Variants in SDK2 observed in about 807,000 individuals in gnomAD.
SDK2 encodes the protein protein sidekick-2.
A neutral mutation model predicts 253.9 loss-of-function variants in SDK2; 105 were observed. The ratio of observed to expected loss-of-function variants is 0.41; its 90% CI spans 0.35 to 0.49. SDK2 has a LOEUF of 0.49. Among genes scored for constraint, SDK2 ranks in the 20% least tolerant of loss-of-function variants. SDK2 has a pLI of 0.06. For missense variants in SDK2, 2,608 were observed against 3,003.0 expected (o/e 0.87, Z 3.07); for synonymous variants, 1,249 against 1,234.9 (o/e 1.01, Z -0.24).
intron 36 of SDK2, among the ~76,000 whole-genome samples, chr17:73,370,745 T>A (rs2062727557): frequency 1.3e-5 from 2 of 152,030 alleles, no homozygotes; most frequent in East Asian, 3.9e-4. Flanking sequence ...GATGGGGATT[T>A]CTTTTGTAGT....
At chr17:73,527,769 G>A (rs191048061) in intron 1 of SDK2, among the ~76,000 whole-genome samples, 5 of 152,322 alleles carry the variant, frequency 3.3e-5, no homozygotes, top group East Asian at 3.9e-4. Flanking sequence ...GGGCAGAGAC[G>A]ATCTCCCAGG....
At chr17:73,598,315 A>G (rs1455218151) in intron 1 of SDK2, among the ~76,000 whole-genome samples, 2 of 152,186 alleles carry the variant, frequency 1.3e-5, no homozygotes, top group Non-Finnish European at 2.9e-5. Flanking sequence ...CTCCTGGCTC[A>G]GGTCGCTGGG....
At position 73,435,649 on chromosome 17, in the gene SDK2, G is replaced by A. The variant is rs756692918; in HGVS notation, c.1001-5C>T. On this transcript the variant is annotated splice_region_variant and splice_polypyrimidine_tract_variant and intron_variant, in intron 8 of 44. Coordinates refer to ENST00000392650, the MANE Select transcript of SDK2 (RefSeq NM_001144952.2). This position sits in a 1 kb window ranked among gnomAD's most constrained non-coding sequence, Gnocchi z 5.7. ...TGATGGAGGGCGGCGGCACACCTGTGGGCAAGACGTGGGCCCACCGTCAAC... is the reference window on the plus strand; with the variant it reads ...TGATGGAGGGCGGCGGCACACCTGTAGGCAAGACGTGGGCCCACCGTCAAC... 1.7e-5 allele frequency: 26 copies of A among 1,547,204 alleles called. No individual in the cohort carries two copies. In the South Asian group the frequency reaches 2.7e-4, roughly 16 times the overall value.
At chr17:73,350,827 C>T (rs754958761) in intron 41 of SDK2, 37 bp from the exon 42 acceptor site, 3 of 1,560,812 alleles carry the variant, frequency 1.9e-6, no homozygotes, top group South Asian at 2.4e-5. Context: ...GGGTGCTCAG[C>T]CCCCTCCTCC....
At chr17:73,568,618 C>T (rs758582271) in intron 1 of SDK2, among the ~76,000 whole-genome samples, 48 of 152,118 alleles carry the variant, frequency 3.2e-4, no homozygotes, top group Admixed American at 7.2e-4. Context: ...GAGCCTCAGA[C>T]TGGAGATGAA....
rs2064030489 is a variant in SDK2, at chr17:73,516,596, C to T, written c.65-8999G>A. ...TGCTAATTTATGCCCCTCCCTGTAT[C>T]CTAGCAGATGCCTGGCCCAGCTCTG... On this transcript the variant is annotated intron_variant, in intron 1 of 44. Coordinates refer to ENST00000392650, the MANE Select transcript of SDK2 (RefSeq NM_001144952.2). 2.0e-5 allele frequency: 3 copies of T among 152,578 alleles called. No homozygotes were observed. In the South Asian group the frequency reaches 6.2e-4, roughly 32 times the overall value. 9.5% of individuals were successfully genotyped at this position (152,578 alleles called of 1,614,324 possible).
At chr17:73,343,316 C>A (rs1039273123) in intron 44 of SDK2, among the ~76,000 whole-genome samples, 2 of 152,264 alleles carry the variant, frequency 1.3e-5, no homozygotes, top group African/African-American at 2.4e-5. Flanking sequence ...CTGCCTCTTC[C>A]CCCGCTCCGC....
intron 1 of SDK2, among the ~76,000 whole-genome samples, chr17:73,539,101 C>T (rs75445597): frequency 0.033 from 4,954 of 152,186 alleles, 119 homozygotes; most frequent in African/African-American, 0.049. Flanking sequence ...ATCATGCTGC[C>T]CTGCCTCAGT....
In SDK2 at chr17:73,643,978, C is replaced by CCCCAA; in HGVS notation, c.64+46_64+47insTTGGG. The CCCCAA allele has an allele frequency of 3.3e-6, 4 of 1,223,460 alleles. No individual in the cohort carries two copies. Among genetic ancestry groups the CCCCAA allele is most frequent in the Non-Finnish European group, 4.7e-6 (4 of 858,384 alleles). 75.8% of individuals were successfully genotyped at this position (1,223,460 alleles called of 1,614,324 possible). A position where few individuals can be genotyped will look rare whatever the true frequency, so the allele number is the denominator to read the frequency against. Reference sequence around the variant, plus strand: ...CAGCTCCCGCCGCCCCTCCCCCGCCCACTCTCCCAGCCCCCTCCCTGTCCC... The same window carrying CCCCAA: ...CAGCTCCCGCCGCCCCTCCCCCGCCCCCCAAACTCTCCCAGCCCCCTCCCTGTCCC... On this transcript the variant is annotated intron_variant, in intron 1 of 44. Coordinates refer to ENST00000392650, the MANE Select transcript of SDK2 (RefSeq NM_001144952.2). This position sits in a 1 kb window ranked among gnomAD's most constrained non-coding sequence, Gnocchi z 6.9.
chr17:73,460,619 A>C (rs1487050077), intron 3 of SDK2, among the ~76,000 whole-genome samples: 1 of 152,206 alleles, frequency 6.6e-6, no homozygotes, highest in Non-Finnish European at 1.5e-5. Context: ...TCCTCAATGA[A>C]GTTTACCCAA....
rs1249514051 is a variant in SDK2 at position 73,541,396 on chromosome 17, C to T, written c.65-33799G>A. Among the ~76,000 whole-genome samples, 1 of 152,174 alleles carries T rather than the reference C, an allele frequency of 6.6e-6. No individual in the cohort carries two copies. Among genetic ancestry groups the T allele is most frequent in the Non-Finnish European group, 1.5e-5 (1 of 68,012 alleles). On this transcript the variant is annotated intron_variant, in intron 1 of 44. Coordinates refer to ENST00000392650, the MANE Select transcript of SDK2 (RefSeq NM_001144952.2). This position sits in a 1 kb window ranked among gnomAD's most constrained non-coding sequence, Gnocchi z 4.3. Reference sequence around the variant, plus strand: ...GCAGATGACATCAGAAGGACCAAGGCTAGCTCGGGCAGCACACTTAGCACA... The same window carrying T: ...GCAGATGACATCAGAAGGACCAAGGTTAGCTCGGGCAGCACACTTAGCACA...
intron 1 of SDK2, among the ~76,000 whole-genome samples, chr17:73,563,916 C>T (rs116437553): frequency 0.011 from 1,747 of 152,098 alleles, 41 homozygotes; most frequent in African/African-American, 0.04. Context: ...TGTGCCACCA[C>T]GCTCAGCTAA....
chr17:73,466,723 C>CG lies in SDK2; in HGVS notation c.331+5388_331+5389insC, dbSNP rs372778909. On this transcript the variant is annotated intron_variant, in intron 3 of 44. Transcript: ENST00000392650. ...TGGAGGCTCTGGGGAACGCCCCCCC[C>CG]CCCCGGCTTAGGCTCTGCATCTTTG... Among the ~76,000 whole-genome samples, 9 of 146,892 alleles carry CG rather than the reference C, an allele frequency of 6.1e-5. 1 individual carries two copies. The highest frequency in any genetic ancestry group is 1.1e-4 in the Non-Finnish European group (7 of 65,750).
chr17:73,576,638 A>G (rs916647910), intron 1 of SDK2, among the ~76,000 whole-genome samples: 6 of 152,168 alleles, frequency 3.9e-5, no homozygotes, highest in South Asian at 4.1e-4. Context: ...ATGTACTGCA[A>G]ATACAAAATT....
intron 40 of SDK2, among the ~76,000 whole-genome samples, chr17:73,354,942 C>T (rs1840297693): frequency 2.0e-5 from 3 of 151,526 alleles, no homozygotes; most frequent in Non-Finnish European, 2.9e-5. Context: ...GCAGCAGAGG[C>T]GCCTCGACAC....
intron 39 of SDK2, among the ~76,000 whole-genome samples, chr17:73,360,852 CT>C (rs2062633647): frequency 6.6e-6 from 1 of 151,008 alleles, no homozygotes; most frequent in Non-Finnish European, 1.5e-5. Flanking sequence ...TTGAGAATTG[CT>C]TGAACCCGGG....
chr17:73,378,831 G>T (rs903291433), intron 36 of SDK2, among the ~76,000 whole-genome samples: 5 of 150,544 alleles, frequency 3.3e-5, no homozygotes, highest in Admixed American at 6.6e-5. Flanking sequence ...CCCTTGGAGG[G>T]TCTTAAGTTA....
At chr17:73,385,735 G>A (rs1599508301) in intron 32 of SDK2, 112 bp downstream of exon 32, 1 of 958,278 alleles carries the variant, frequency 1.0e-6, no homozygotes, top group East Asian at 2.6e-5. Context: ...GGCGCTCTGG[G>A]GGCAGAGAAC....
At chr17:73,482,278 A>AAAAAG (rs113900449) in intron 2 of SDK2, among the ~76,000 whole-genome samples, 112 of 150,984 alleles carry the variant, frequency 7.4e-4, no homozygotes, top group East Asian at 9.7e-4. Flanking sequence ...TCAAAAAAAA[A>AAAAAG]AAGAAGAAGA....
Sources: allele counts gnomAD v4.1 joint callset (sites outside exome capture counted in the v4.1 genomes callset), GRCh38; gene constraint gnomAD v4.1.1; non-coding constraint Gnocchi (gnomAD v3.1); transcripts MANE v1.5; gene names NCBI Gene and HGNC (gene_info 2026-07-23, HGNC 2026-07-21).